TMPRSS11E: variants seen among roughly 807,000 people sequenced by gnomAD.
TMPRSS11E encodes the protein transmembrane serine protease 11E.
TMPRSS11E carries 38 observed loss-of-function variants against 48.1 expected under a neutral mutation model. The ratio of observed to expected loss-of-function variants is 0.79; its 90% CI spans 0.61 to 1.04. The LOEUF (loss-of-function observed/expected upper bound fraction) is 1.04, where lower values mean the gene tolerates loss of function less well. Among genes scored for constraint, TMPRSS11E ranks in the 50% least tolerant of loss-of-function variants. TMPRSS11E has a pLI of 0.00. For missense variants in TMPRSS11E, 530 were observed against 510.8 expected, an observed-to-expected ratio of 1.04 and a Z score of -0.36; for synonymous variants, 158 against 171.9, an observed-to-expected ratio of 0.92 and a Z score of 0.63.
At chr4:68,492,120 C>G (rs926005651) in intron 9 of TMPRSS11E, among the ~76,000 whole-genome samples, 1 of 152,138 alleles carries the variant, frequency 6.6e-6, no homozygotes, top group Admixed American at 6.5e-5. Flanking sequence ...TAGATTGGTC[C>G]CATTACCACA....
intron 9 of TMPRSS11E, among the ~76,000 whole-genome samples, chr4:68,493,229 C>T (rs1461016814): frequency 2.0e-5 from 3 of 151,984 alleles, no homozygotes; most frequent in Non-Finnish European, 4.4e-5. Context: ...TTACGTTATC[C>T]GTACATACCC....
chr4:68,448,569 C>T (rs1399190694), intron 1 of TMPRSS11E, among the ~76,000 whole-genome samples: 1 of 151,850 alleles, frequency 6.6e-6, no homozygotes, highest in Non-Finnish European at 1.5e-5. Context: ...AAATAGATTA[C>T]AAGCCTTATC....
intron 1 of TMPRSS11E, among the ~76,000 whole-genome samples, chr4:68,460,903 CG>C (rs1238990645): frequency 1.5e-5 from 2 of 135,864 alleles, no homozygotes; most frequent in Non-Finnish European, 3.1e-5. Flanking sequence ...TTTTTTAAGA[CG>C]GAGTCTCGCT....
chr4:68,496,998 A>T lies in TMPRSS11E; in HGVS notation c.*194A>T. On this transcript the variant is annotated 3_prime_UTR_variant, in exon 10 of 10. Transcript: ENST00000305363. ...TAAGCATCCTGCTTCTGCCAGATCA[A>T]CTCTGTCATCTGTGAGCAATAGTTG... 1.8e-6 allele frequency: 1 copy of T among 545,308 alleles called. No individual in the cohort carries two copies. Among genetic ancestry groups the T allele is most frequent in the East Asian group, 3.0e-5 (1 of 33,218 alleles). The allele number at this position is 545,308 out of a possible 1,614,324, so 33.8% of individuals were successfully genotyped here. A position where few individuals can be genotyped will look rare whatever the true frequency, so the allele number is the denominator to read the frequency against.
intron 8 of TMPRSS11E, among the ~76,000 whole-genome samples, chr4:68,478,219 G>A (rs907089275): frequency 2.1e-5 from 3 of 145,310 alleles, no homozygotes; most frequent in Non-Finnish European, 3.0e-5. Context: ...GCAATGGTGC[G>A]ATCTTGGCTC....
chr4:68,448,468 A>G (rs781690801), intron 1 of TMPRSS11E, among the ~76,000 whole-genome samples: 1 of 152,012 alleles, frequency 6.6e-6, no homozygotes, highest in Non-Finnish European at 1.5e-5. Context: ...CTTTACAACC[A>G]ATGATGGTTT....
intron 1 of TMPRSS11E, among the ~76,000 whole-genome samples, chr4:68,448,597 ATTTGGAATTT>A (rs1728407623): frequency 6.6e-6 from 1 of 151,934 alleles, no homozygotes; most frequent in African/African-American, 2.4e-5. Flanking sequence ...TATGTCAGAG[ATTTGGAATTT>A]GGTTATAAAT....
chr4:68,464,465 A>G lies in TMPRSS11E; in HGVS notation c.137-2166A>G, dbSNP rs183543961. Among the ~76,000 whole-genome samples, 332 of 152,322 alleles carry G rather than the reference A, an allele frequency of 2.2e-3. 1 individual carries two copies. The highest frequency in any genetic ancestry group is 7.4e-3 in the African/African-American group (308 of 41,572). On this transcript the variant is annotated intron_variant, in intron 2 of 9. Transcript: ENST00000305363. ...AAGCAACATCACTGCAGATTATAGA[A>G]TCACAAAACTGCTAGAAATTTACCA...
At chr4:68,466,318 CTG>C in intron 2 of TMPRSS11E, among the ~76,000 whole-genome samples, 1 of 152,292 alleles carries the variant, frequency 6.6e-6, no homozygotes, top group South Asian at 2.1e-4. Context: ...GCATGACTTG[CTG>C]TCTCTTGTGG....
intron 9 of TMPRSS11E, among the ~76,000 whole-genome samples, chr4:68,482,123 G>A (rs1166180378): frequency 6.6e-6 from 1 of 152,100 alleles, no homozygotes; most frequent in African/African-American, 2.4e-5. Flanking sequence ...TGTGAAATGG[G>A]AGGGAGCAGG....
At chr4:68,491,820 AT>A (rs201875430) in intron 9 of TMPRSS11E, among the ~76,000 whole-genome samples, 115 of 151,626 alleles carry the variant, frequency 7.6e-4, no homozygotes, top group African/African-American at 2.6e-3. Flanking sequence ...AATTTCTAAG[AT>A]TTTTTTTTAC....
intron 9 of TMPRSS11E, among the ~76,000 whole-genome samples, 158 bp from the exon 10 acceptor site, chr4:68,496,485 T>G (rs552659057): frequency 2.6e-5 from 4 of 152,210 alleles, no homozygotes; most frequent in South Asian, 4.1e-4. Context: ...CTCTTTTAGG[T>G]GGATAACTGA....
rs2603188 is a variant in TMPRSS11E, at chr4:68,471,607, C to T, written c.474C>T (p.His158=). ...TAGGACCCCCTAAAGTAGATCCTCA[C>T]TCAGTTAAAATTAAAAGTAAGTTAA... ...DAVGPPKVDP[H]SVKIKKINKT... is the part of the protein sequence containing the mutation. Residue 158 remains histidine (H), a synonymous_variant, in exon 5 of 10, where the codon CAC becomes CAT. Coordinates refer to ENST00000305363, the MANE Select transcript of TMPRSS11E (RefSeq NM_014058.4). The T allele has an allele frequency of 6.3e-7, 1 of 1,585,754 alleles. No homozygotes were observed. Among genetic ancestry groups the T allele is most frequent in the Admixed American group, 1.9e-5 (1 of 53,706 alleles).
intron 1 of TMPRSS11E, among the ~76,000 whole-genome samples, chr4:68,456,155 C>T (rs1005548073): frequency 6.6e-6 from 1 of 151,890 alleles, no homozygotes; most frequent in African/African-American, 2.4e-5. Context: ...TGTAGTACAC[C>T]TATCTAACAA....
chr4:68,466,565 G>T, intron 2 of TMPRSS11E, 66 bp from the exon 3 acceptor site: 1 of 1,560,434 alleles, frequency 6.4e-7, no homozygotes, highest in East Asian at 2.3e-5. Flanking sequence ...CACCAAGCGG[G>T]GATATAATGA....
chr4:68,495,092 T>G (rs747842190), intron 9 of TMPRSS11E, among the ~76,000 whole-genome samples: 33 of 152,246 alleles, frequency 2.2e-4, no homozygotes, highest in Non-Finnish European at 4.0e-4. Flanking sequence ...ATCTAAACCA[T>G]CATAATTTCC....
At chr4:68,471,666 T>A in intron 5 of TMPRSS11E, 43 bp downstream of exon 5, 1 of 1,470,168 alleles carries the variant, frequency 6.8e-7, no homozygotes, top group Non-Finnish European at 9.0e-7. Flanking sequence ...AACAGCTTCA[T>A]GTTAGGTTTG....
At chr4:68,474,456 G>A (rs1459649033) in intron 5 of TMPRSS11E, among the ~76,000 whole-genome samples, 1 of 152,078 alleles carries the variant, frequency 6.6e-6, no homozygotes, top group Non-Finnish European at 1.5e-5. Context: ...ACAAGCTACT[G>A]AATTAGAGTT....
At chr4:68,463,146 C>G (rs1276410916) in intron 2 of TMPRSS11E, among the ~76,000 whole-genome samples, 1 of 152,200 alleles carries the variant, frequency 6.6e-6, no homozygotes, top group Non-Finnish European at 1.5e-5. Flanking sequence ...CCTCTACTAT[C>G]CACGCAAGTA....
Sources: gnomAD v4.1 joint callset for allele counts (sites outside exome capture counted in the v4.1 genomes callset) on GRCh38, gnomAD v4.1.1 for gene constraint, MANE v1.5 for transcripts, NCBI Gene and HGNC (gene_info 2026-07-23, HGNC 2026-07-21) for gene names.